Variants in ZKSCAN1 observed in about 807,000 individuals in gnomAD.
ZKSCAN1 encodes the protein zinc finger protein with KRAB and SCAN domains 1.
Under a neutral mutation model 51.6 loss-of-function variants are expected in ZKSCAN1, and 14 were observed. That is an observed-to-expected ratio of 0.27 (90% CI 0.18 to 0.42). The LOEUF (loss-of-function observed/expected upper bound fraction) is 0.42. Ranked by LOEUF, ZKSCAN1 falls within the 10% of genes least tolerant of loss-of-function variation. The probability of loss-of-function intolerance (pLI) is 1.00; values close to 1 mark genes in which losing one functional copy is unlikely to be tolerated. For synonymous variants in ZKSCAN1, 263 were observed against 261.5 expected (o/e 1.01, Z -0.06); for missense variants, 531 against 710.0 (o/e 0.75, Z 2.86).
At position 100,033,407 on chromosome 7, in the gene ZKSCAN1, T is replaced by A. The variant is rs200719086; in HGVS notation, c.902T>A (p.Phe301Tyr). 6.2e-7 allele frequency: 1 copy of A among 1,613,412 alleles called. No homozygotes were observed. The highest frequency in any genetic ancestry group is 8.5e-7 in the Non-Finnish European group (1 of 1,179,930). The change falls in exon 6 of 6, where the codon TTT (phenylalanine) becomes TAT (tyrosine). Residue 301 changes from phenylalanine to tyrosine, a missense_variant. Transcript: ENST00000324306. The surrounding 1 kb of genome is among the most constrained non-coding windows in gnomAD (Gnocchi z 4.1). ...ACAACAGGAAGATCCCAGAAAGAGT[T>A]TGGAGAGAAACGTGACCAGGAGGGC... ...GETTGRSQKE[F>Y]GEKRDQEGKT...
intron 3 of ZKSCAN1, among the ~76,000 whole-genome samples, chr7:100,028,074 G>T (rs1351036682): frequency 2.6e-5 from 4 of 152,070 alleles, no homozygotes; most frequent in African/African-American, 9.7e-5. Flanking sequence ...AGTACTTGGG[G>T]CTGGGCGCAG....
Position 100,034,361 on chromosome 7 carries a change from G to T in ZKSCAN1, c.*164G>T. The T allele has an allele frequency of 7.3e-7, 1 of 1,377,852 alleles. No individual in the cohort carries two copies. Among genetic ancestry groups the T allele is most frequent in the Non-Finnish European group, 9.3e-7 (1 of 1,074,042 alleles). The allele number at this position is 1,377,852 out of a possible 1,614,324, so 85.4% of individuals were successfully genotyped here. A position where few individuals can be genotyped will look rare whatever the true frequency, so the allele number is the denominator to read the frequency against. The stretch of plus-strand genomic sequence containing the variant: ...ATCAGCAGTGTTCTGCCTTTATGTA[G>T]TAGTTGGGCATATAATCCTTCCACA... On this transcript the variant is annotated 3_prime_UTR_variant, in exon 6 of 6. Coordinates refer to ENST00000324306, the MANE Select transcript of ZKSCAN1 (RefSeq NM_003439.4).
At position 100,033,569 on chromosome 7, in the gene ZKSCAN1, G is replaced by C; in HGVS notation, c.1064G>C (p.Gly355Ala). The C allele has an allele frequency of 6.2e-7, 1 of 1,614,120 alleles. No individual in the cohort carries two copies. The highest frequency in any genetic ancestry group is 1.6e-4 in the Middle Eastern group (1 of 6,062). The change falls in exon 6 of 6, where the codon GGA (glycine) becomes GCA (alanine). Residue 355 changes from glycine to alanine, a missense_variant. By Grantham distance (60) the Gly-to-Ala change is moderately conservative. This residue lies in a region of ZKSCAN1 where 403 missense variants were observed against 490.5 expected (regional missense o/e 0.82). Coordinates refer to ENST00000324306, the MANE Select transcript of ZKSCAN1 (RefSeq NM_003439.4). The surrounding 1 kb of genome is among the most constrained non-coding windows in gnomAD (Gnocchi z 4.1). Reference protein sequence around the residue: ...RGPREKGKGLGRSFSLSSNFT... With the variant: ...RGPREKGKGLARSFSLSSNFT... ...CCAAGGGAGAAGGGGAAAGGATTGG[G>C]AAGAAGCTTCAGTCTGAGCTCCAAC...
At position 100,035,963 on chromosome 7, in the gene ZKSCAN1, A is replaced by G. The variant is rs1449111353; in HGVS notation, c.*1766A>G. 1.0e-6 allele frequency: 1 copy of G among 985,354 alleles called. No homozygotes were observed. Among genetic ancestry groups the G allele is most frequent in the Non-Finnish European group, 1.2e-6 (1 of 829,958 alleles). The allele number at this position is 985,354 out of a possible 1,614,324, so 61.0% of individuals were successfully genotyped here. A position where few individuals can be genotyped will look rare whatever the true frequency, so the allele number is the denominator to read the frequency against. On this transcript the variant is annotated 3_prime_UTR_variant, in exon 6 of 6. Coordinates refer to ENST00000324306, the MANE Select transcript of ZKSCAN1 (RefSeq NM_003439.4). The stretch of plus-strand genomic sequence containing the variant: ...TAGACTGAGAACAAACCTCAAGACT[A>G]TCAGTGTGACCTCCCCATAACAAGA...
At chr7:100,030,009 C>A in intron 4 of ZKSCAN1, 57 bp downstream of exon 4, 1 of 1,584,984 alleles carries the variant, frequency 6.3e-7, no homozygotes, top group African/African-American at 1.3e-5. Flanking sequence ...TGTTCCTGAG[C>A]TCTCTTCATT....
At chr7:100,021,849 A>G (rs533163158) in intron 1 of ZKSCAN1, among the ~76,000 whole-genome samples, 1 of 151,266 alleles carries the variant, frequency 6.6e-6, no homozygotes, top group South Asian at 2.1e-4. Context: ...GTTTCATGCA[A>G]TCCTCCCACC....
In ZKSCAN1 at chr7:100,015,685, C is replaced by G. The variant is rs1790327900; in HGVS notation, c.-130C>G. 6.6e-6 allele frequency: 1 copy of G among 152,344 alleles called. No homozygotes were observed. Among genetic ancestry groups the G allele is most frequent in the Non-Finnish European group, 1.5e-5 (1 of 68,184 alleles). The allele number at this position is 152,344 out of a possible 1,614,324, so 9.4% of individuals were successfully genotyped here. A position where few individuals can be genotyped will look rare whatever the true frequency, so the allele number is the denominator to read the frequency against. The stretch of plus-strand genomic sequence containing the variant: ...CGGCCTGAGCCCCAGAGTCAGCTCC[C>G]CTTTCTCGCCCAGCGCCCCCAGGCC... On this transcript the variant is annotated 5_prime_UTR_variant, in exon 1 of 6. Transcript: ENST00000324306.
At chr7:100,025,874 T>G (rs763010704) in intron 3 of ZKSCAN1, among the ~76,000 whole-genome samples, 1 of 151,784 alleles carries the variant, frequency 6.6e-6, no homozygotes, top group Admixed American at 6.6e-5. Flanking sequence ...TCACTTGAGG[T>G]TAGGAGTTTG....
chr7:100,033,366 A>G lies in ZKSCAN1; in HGVS notation c.861A>G (p.Ser287=). 1 of 1,614,130 alleles carries G rather than the reference A, an allele frequency of 6.2e-7. No individual in the cohort carries two copies. The highest frequency in any genetic ancestry group is 8.5e-7 in the Non-Finnish European group (1 of 1,180,026). Residue 287 remains serine, a synonymous_variant, in exon 6 of 6, where the codon TCA becomes TCG. Coordinates refer to ENST00000324306, the MANE Select transcript of ZKSCAN1 (RefSeq NM_003439.4). The surrounding 1 kb of genome is among the most constrained non-coding windows in gnomAD (Gnocchi z 4.1). The part of the protein sequence containing the change: ...STSKAETSED[S]ASRGETTGRS... ...CAAAGGCTGAAACCTCGGAAGATTC[A>G]GCATCACGCGGGGAGACAACAGGAA...
rs1791577640 is a variant in ZKSCAN1, at chr7:100,041,152, T to C, written c.*6955T>C. On this transcript the variant is annotated 3_prime_UTR_variant, in exon 6 of 6. Transcript: ENST00000324306. ...TTTGTAGACTGGATTAAAAACAACCTGTCCTGTTTTGTCAGTTCCCAGCTT... is the reference window on the plus strand; with the variant it reads ...TTTGTAGACTGGATTAAAAACAACCCGTCCTGTTTTGTCAGTTCCCAGCTT... 1 of 727,624 alleles carries C rather than the reference T, an allele frequency of 1.4e-6. No individual in the cohort carries two copies. Among genetic ancestry groups the C allele is most frequent in the South Asian group, 6.2e-5 (1 of 16,196 alleles). The allele number at this position is 727,624 out of a possible 1,614,324, so 45.1% of individuals were successfully genotyped here.
In ZKSCAN1 at chr7:100,035,800, T is replaced by C. The variant is rs928151840; in HGVS notation, c.*1603T>C. On this transcript the variant is annotated 3_prime_UTR_variant, in exon 6 of 6. Coordinates refer to ENST00000324306, the MANE Select transcript of ZKSCAN1 (RefSeq NM_003439.4). ...ATTGGTCCCATCGTTGTGCGCAGGG[T>C]GCAACTGGCTACCTAGAAGCTGATG... 2 of 978,462 alleles carry C rather than the reference T, an allele frequency of 2.0e-6. No homozygotes were observed. Among genetic ancestry groups the C allele is most frequent in the Non-Finnish European group, 2.4e-6 (2 of 823,810 alleles). The allele number at this position is 978,462 out of a possible 1,614,324, so 60.6% of individuals were successfully genotyped here.
chr7:100,038,766 C>T lies in ZKSCAN1; in HGVS notation c.*4569C>T, dbSNP rs1341934097. 13 of 975,974 alleles carry T rather than the reference C, an allele frequency of 1.3e-5. No individual in the cohort carries two copies. The highest frequency in any genetic ancestry group is 1.1e-4 in the East Asian group (1 of 8,762). The allele number at this position is 975,974 out of a possible 1,614,324, so 60.5% of individuals were successfully genotyped here. The stretch of plus-strand genomic sequence containing the variant: ...ATCCCAGCACTTTGGGAGACCAAGG[C>T]GGGTGGATCACAAGGTCAGGAGATC... On this transcript the variant is annotated 3_prime_UTR_variant, in exon 6 of 6. Transcript: ENST00000324306.
chr7:100,042,737 CGTGTGTGTGT>C (rs34820993), downstream of ZKSCAN1, among the ~76,000 whole-genome samples: 2,409 of 144,756 alleles, frequency 0.017, 41 homozygotes, highest in Non-Finnish European at 0.024. Context: ...TATAGATACA[CGTGTGTGTGT>C]GTGTGTGTGT....
rs912328646 is a variant in ZKSCAN1, at chr7:100,037,892, C to T, written c.*3695C>T. The T allele has an allele frequency of 3.4e-5, 22 of 651,992 alleles. No individual in the cohort carries two copies. The highest frequency in any genetic ancestry group is 4.0e-5 in the Non-Finnish European group (21 of 526,416). The allele number at this position is 651,992 out of a possible 1,614,324, so 40.4% of individuals were successfully genotyped here. ...AAAATTAGCTGGGCACAGTGGCGCA[C>T]GCCTGTAGTCCCAGCTACTCGGGAG... On this transcript the variant is annotated 3_prime_UTR_variant, in exon 6 of 6. Coordinates refer to ENST00000324306, the MANE Select transcript of ZKSCAN1 (RefSeq NM_003439.4).
rs1791278570 is a variant in ZKSCAN1 at position 100,034,825 on chromosome 7, G to A, written c.*628G>A. ...GAGAGGGTATGTGCACCAGTCTACA[G>A]TTCCAAAGGACTGCAACAAATGTAG... On this transcript the variant is annotated 3_prime_UTR_variant, in exon 6 of 6. Coordinates refer to ENST00000324306, the MANE Select transcript of ZKSCAN1 (RefSeq NM_003439.4). 6.5e-6 allele frequency: 1 copy of A among 153,490 alleles called. No homozygotes were observed. The highest frequency in any genetic ancestry group is 1.5e-5 in the Non-Finnish European group (1 of 68,846). 9.5% of individuals were successfully genotyped at this position (153,490 alleles called of 1,614,324 possible).
At chr7:100,042,192 G>A (rs942166114), downstream of ZKSCAN1, among the ~76,000 whole-genome samples, 18 of 151,914 alleles carry the variant, frequency 1.2e-4, no homozygotes, top group Admixed American at 1.1e-3. Flanking sequence ...GGTGGCGGGC[G>A]CCTGTAGTCC....
chr7:100,024,378 TG>T, intron 3 of ZKSCAN1, 71 bp downstream of exon 3: 1 of 1,550,102 alleles, frequency 6.5e-7, no homozygotes, highest in South Asian at 1.2e-5. Context: ...GCTGAGTGCC[TG>T]TGATGAAGAA....
Position 100,040,465 on chromosome 7 carries a change from C to G in ZKSCAN1, c.*6268C>G. On this transcript the variant is annotated 3_prime_UTR_variant, in exon 6 of 6. Coordinates refer to ENST00000324306, the MANE Select transcript of ZKSCAN1 (RefSeq NM_003439.4). ...AGCAAGCACTCATTAAGGAGTGAGG[C>G]TGAGTATTTTAAGATAGAGTGAGAT... The G allele has an allele frequency of 1.0e-6, 1 of 985,392 alleles. No individual in the cohort carries two copies. The highest frequency in any genetic ancestry group is 1.2e-6 in the Non-Finnish European group (1 of 829,914). The allele number at this position is 985,392 out of a possible 1,614,324, so 61.0% of individuals were successfully genotyped here.
Position 100,040,649 on chromosome 7 carries a change from G to A in ZKSCAN1, c.*6452G>A. On this transcript the variant is annotated 3_prime_UTR_variant, in exon 6 of 6. Transcript: ENST00000324306. ...CAGCAAGGTTAAGTGCAGTATGGAA[G>A]GAGAAGGGGGAAGAGGACGGTAACG... The A allele has an allele frequency of 7.1e-6, 7 of 985,478 alleles. No individual in the cohort carries two copies. The highest frequency in any genetic ancestry group is 8.4e-6 in the Non-Finnish European group (7 of 829,960). The allele number at this position is 985,478 out of a possible 1,614,324, so 61.0% of individuals were successfully genotyped here.
Sources: gnomAD v4.1 joint callset for allele counts (sites outside exome capture counted in the v4.1 genomes callset) on GRCh38, gnomAD v4.1.1 for gene constraint, gnomAD v4.1.1 regional missense constraint, Gnocchi (gnomAD v3.1) non-coding constraint, MANE v1.5 for transcripts, NCBI Gene and HGNC (gene_info 2026-07-23, HGNC 2026-07-21) for gene names.